The following PCDH15 variants were observed in gnomAD, a reference collection of about 807,000 sequenced individuals.
PCDH15 encodes protocadherin related 15, also known as protocadherin-15.
PCDH15 carries 129 observed loss-of-function variants against 178.5 expected under a neutral mutation model. The observed-to-expected ratio is 0.72, with a 90% CI of 0.63 to 0.84. The LOEUF is 0.84. PCDH15 is among the 40% of genes least tolerant of loss of function. The probability of loss-of-function intolerance (pLI) is 0.00; values close to 1 mark genes in which losing one functional copy is unlikely to be tolerated. For missense variants in PCDH15, 2,230 were observed against 2,099.9 expected, an observed-to-expected ratio of 1.06 and a Z score of -1.21; for synonymous variants, 800 against 732.0, an observed-to-expected ratio of 1.09 and a Z score of -1.50.
intron 2 of PCDH15, among the ~76,000 whole-genome samples, chr10:55,606,369 C>T (rs1843216768): frequency 1.4e-5 from 2 of 144,296 alleles, no homozygotes; most frequent in African/African-American, 5.3e-5. Context: ...CTACCAATGC[C>T]TTTCTTCACA....
chr10:54,559,633 T>TA (rs1478195117), intron 2 of PCDH15, among the ~76,000 whole-genome samples: 1 of 151,856 alleles, frequency 6.6e-6, no homozygotes, highest in Admixed American at 6.6e-5. Flanking sequence ...TTGCAATGAC[T>TA]AAAAAAATGT....
chr10:54,254,508 C>G (rs1364442422), intron 8 of PCDH15, among the ~76,000 whole-genome samples: 4 of 152,098 alleles, frequency 2.6e-5, no homozygotes, highest in African/African-American at 9.7e-5. Context: ...CCACCAATAG[C>G]ATGGTTCCCA....
intron 1 of PCDH15, among the ~76,000 whole-genome samples, chr10:54,777,867 G>A (rs951199089): frequency 2.0e-5 from 3 of 152,190 alleles, no homozygotes; most frequent in African/African-American, 7.2e-5. Context: ...GTTTTCCAAA[G>A]TATGTCAGCT....
chr10:55,097,276 A>G (rs1842468508), intron 2 of PCDH15, among the ~76,000 whole-genome samples: 2 of 152,150 alleles, frequency 1.3e-5, no homozygotes, highest in African/African-American at 4.8e-5. Flanking sequence ...TAATTCAAAT[A>G]ACAACATTAT....
rs144371540 is a variant in PCDH15, at chr10:54,941,779, C to T, written c.-79-44279G>A. 4.2e-3 allele frequency among the ~76,000 whole-genome samples: 645 copies of T among 152,156 alleles called. 4 individuals are homozygous for T. Among genetic ancestry groups the T allele is most frequent in the Admixed American group, 8.8e-3 (135 of 15,256 alleles). ...GTTATGTTCTTGTTTATAGTTTTTA[C>T]TAACTTGGTTTGACTACTTTATTGA... On this transcript the variant is annotated intron_variant, in intron 2 of 5. Coordinates refer to the PCDH15 transcript ENST00000458638.
intron 8 of PCDH15, among the ~76,000 whole-genome samples, chr10:54,250,501 T>C (rs2132083480): frequency 6.6e-6 from 1 of 151,854 alleles, no homozygotes; most frequent in East Asian, 2.0e-4. Flanking sequence ...GCCAGGATGG[T>C]CTCGATCTCC....
chr10:54,165,304 T>C (rs1240949074), intron 13 of PCDH15, among the ~76,000 whole-genome samples: 1 of 152,150 alleles, frequency 6.6e-6, no homozygotes, highest in Non-Finnish European at 1.5e-5. Context: ...ACTTTGGTTG[T>C]ATAATTTGGA....
At chr10:54,643,591 C>T (rs1471740498) in intron 2 of PCDH15, among the ~76,000 whole-genome samples, 1 of 151,734 alleles carries the variant, frequency 6.6e-6, no homozygotes, top group East Asian at 1.9e-4. Flanking sequence ...CTCATATGAC[C>T]TTAATTGTTT....
chr10:55,044,185 A>G (rs1840940335), intron 2 of PCDH15, among the ~76,000 whole-genome samples: 1 of 152,092 alleles, frequency 6.6e-6, no homozygotes, highest in Non-Finnish European at 1.5e-5. Flanking sequence ...AAACAAGAAC[A>G]ACTATGGTAA....
At chr10:54,242,124 CTATTTT>C (rs2055374504) in intron 8 of PCDH15, among the ~76,000 whole-genome samples, 1 of 62,250 alleles carries the variant, frequency 1.6e-5, no homozygotes, top group Non-Finnish European at 2.9e-5. Context: ...GGTCTGAATT[CTATTTT>C]TATATATATA....
At chr10:55,096,226 G>T (rs1207639863) in intron 2 of PCDH15, among the ~76,000 whole-genome samples, 1 of 152,044 alleles carries the variant, frequency 6.6e-6, no homozygotes, top group African/African-American at 2.4e-5. Flanking sequence ...ATCCCATGGG[G>T]AAAATCAGCT....
chr10:53,949,017 T>A (rs2134159435), intron 23 of PCDH15, among the ~76,000 whole-genome samples: 1 of 152,374 alleles, frequency 6.6e-6, no homozygotes, highest in South Asian at 2.1e-4. Context: ...TTGAAAAGTT[T>A]GTGCTAAATT....
chr10:55,603,988 T>A (rs1194677016), intron 2 of PCDH15, among the ~76,000 whole-genome samples: 6 of 124,928 alleles, frequency 4.8e-5, no homozygotes, highest in African/African-American at 2.0e-4. Context: ...GTGTGCTGTA[T>A]TCAGGAAACC....
At chr10:54,638,288 T>TA (rs1395747258) in intron 2 of PCDH15, among the ~76,000 whole-genome samples, 1 of 152,140 alleles carries the variant, frequency 6.6e-6, no homozygotes, top group Non-Finnish European at 1.5e-5. Context: ...TACATTTTTT[T>TA]ATTTGATTAC....
At chr10:55,309,513 C>T (rs1394984072) in intron 1 of PCDH15, among the ~76,000 whole-genome samples, 2 of 143,544 alleles carry the variant, frequency 1.4e-5, no homozygotes, top group Non-Finnish European at 3.0e-5. Flanking sequence ...AGAACGAGAC[C>T]TTATCTTTTA....
At chr10:54,614,555 A>G (rs2093068516) in intron 2 of PCDH15, among the ~76,000 whole-genome samples, 1 of 152,058 alleles carries the variant, frequency 6.6e-6, no homozygotes, top group Admixed American at 6.6e-5. Flanking sequence ...CTGCAAAACT[A>G]TAATTTTATA....
intron 2 of PCDH15, chr10:54,608,020 C>A: frequency 2.2e-6 from 1 of 448,674 alleles, no homozygotes; most frequent in Non-Finnish European, 4.2e-6. Context: ...GACTTGCACA[C>A]ATAAGGAATT....
intron 23 of PCDH15, among the ~76,000 whole-genome samples, chr10:53,946,581 C>T (rs544575473): frequency 2.2e-4 from 33 of 152,124 alleles, no homozygotes; most frequent in Non-Finnish European, 3.7e-4. Context: ...CACTTTATTG[C>T]TGAATAATAT....
intron 1 of PCDH15, among the ~76,000 whole-genome samples, chr10:55,176,223 C>A (rs1591966769): frequency 6.6e-6 from 1 of 152,086 alleles, no homozygotes; most frequent in African/African-American, 2.4e-5. Context: ...AGGGGTGTCT[C>A]AGGACGATAC....
Sources: gnomAD v4.1 joint callset for allele counts (sites outside exome capture counted in the v4.1 genomes callset) on GRCh38, gnomAD v4.1.1 for gene constraint, MANE v1.5 for transcripts, NCBI Gene and HGNC (gene_info 2026-07-23, HGNC 2026-07-21) for gene names.